The following PTPRN2 variants were observed in gnomAD, a reference collection of about 807,000 sequenced individuals.
The protein encoded by PTPRN2 is receptor-type tyrosine-protein phosphatase N2.
In PTPRN2, 74 loss-of-function variants were observed where a neutral mutation model predicts 118.8. The observed-to-expected ratio is 0.62, with a 90% CI of 0.52 to 0.76. The LOEUF (loss-of-function observed/expected upper bound fraction) is 0.76, where lower values mean the gene tolerates loss of function less well. Among genes scored for constraint, PTPRN2 ranks in the 30% least tolerant of loss-of-function variants. The pLI, the probability that PTPRN2 is intolerant of heterozygous loss-of-function variation, is 0.00. For missense variants in PTPRN2, 1,481 were observed against 1,394.4 expected (o/e 1.06, Z -0.99); for synonymous variants, 641 against 608.0 (o/e 1.05, Z -0.80).
rs779409978 is a variant in PTPRN2 at position 157,674,770 on chromosome 7, G to C, written c.2001+7955C>G. ...CACGCCTGTGGAGTCCCACCCTGTC[G>C]TGTGCACGAGGCTGTCACCTGGAGA... On this transcript the variant is annotated intron_variant, in intron 13 of 22. Coordinates refer to ENST00000389418, the MANE Select transcript of PTPRN2 (RefSeq NM_002847.5). This position sits in a 1 kb window ranked among gnomAD's most constrained non-coding sequence, Gnocchi z 4.5. Among the ~76,000 whole-genome samples, 2 of 152,246 alleles carry C rather than the reference G, an allele frequency of 1.3e-5. No individual in the cohort carries two copies. The highest frequency in any genetic ancestry group is 4.1e-4 in the South Asian group (2 of 4,838).
At chr7:158,421,369 C>G (rs1815232166) in intron 2 of PTPRN2, among the ~76,000 whole-genome samples, 2 of 152,176 alleles carry the variant, frequency 1.3e-5, no homozygotes, top group East Asian at 3.8e-4. Context: ...GTTGGGGTGA[C>G]AAGCACTGGG....
chr7:157,594,592 C>T (rs371443412), intron 17 of PTPRN2, among the ~76,000 whole-genome samples: 13 of 152,372 alleles, frequency 8.5e-5, no homozygotes, highest in East Asian at 5.8e-4. Context: ...GCCCGACACG[C>T]GGCCGGTGCC....
At position 157,764,130 on chromosome 7, in the gene PTPRN2, ACT is replaced by A. The variant is rs573260622; in HGVS notation, c.1789-81195_1789-81194del. ...AATGCTGAGGAATCGTAACTGGCAC[ACT>A]CTGCAGGGAGGAATATAGCATGATG... On this transcript the variant is annotated intron_variant, in intron 12 of 22. Coordinates refer to ENST00000389418, the MANE Select transcript of PTPRN2 (RefSeq NM_002847.5). This position sits in a 1 kb window ranked among gnomAD's most constrained non-coding sequence, Gnocchi z 4.5. 1.8e-3 allele frequency among the ~76,000 whole-genome samples: 269 copies of A among 152,306 alleles called. 2 individuals are homozygous for A. Among genetic ancestry groups the A allele is most frequent in the African/African-American group, 6.2e-3 (258 of 41,564 alleles).
intron 2 of PTPRN2, among the ~76,000 whole-genome samples, chr7:158,371,586 C>T (rs1810000402): frequency 6.6e-6 from 1 of 152,102 alleles, no homozygotes; most frequent in African/African-American, 2.4e-5. Flanking sequence ...CAACAAGCAC[C>T]TCACGCTTGA....
chr7:157,762,600 G>A (rs1466672193), intron 12 of PTPRN2, among the ~76,000 whole-genome samples: 16 of 122,962 alleles, frequency 1.3e-4, no homozygotes, highest in Middle Eastern at 4.5e-3. Context: ...GTTGTGGGGT[G>A]GGGGGAGGGG....
chr7:157,841,617 C>CCCA (rs1225304072), intron 12 of PTPRN2, among the ~76,000 whole-genome samples: 1 of 152,168 alleles, frequency 6.6e-6, no homozygotes, highest in Non-Finnish European at 1.5e-5. Flanking sequence ...TGGAAGGGCC[C>CCCA]CCACCACGGG....
intron 4 of PTPRN2, among the ~76,000 whole-genome samples, chr7:158,204,159 G>A (rs1045793429): frequency 6.6e-6 from 1 of 151,536 alleles, no homozygotes; most frequent in African/African-American, 2.4e-5. Context: ...TGTGTGCGGC[G>A]TTCTGGGGAA....
intron 20 of PTPRN2, among the ~76,000 whole-genome samples, chr7:157,571,179 C>T (rs1466751983): frequency 2.8e-5 from 4 of 142,940 alleles, no homozygotes; most frequent in Admixed American, 2.2e-4. Flanking sequence ...CACGCCATTG[C>T]ACTGCAGCGT....
intron 2 of PTPRN2, among the ~76,000 whole-genome samples, chr7:158,385,254 C>G (rs1811246380): frequency 6.6e-6 from 1 of 151,944 alleles, no homozygotes. Context: ...ATTCTGGGAA[C>G]AATTCCAGAG....
intron 2 of PTPRN2, among the ~76,000 whole-genome samples, chr7:158,393,455 A>C (rs1312950120): frequency 1.3e-5 from 2 of 152,146 alleles, no homozygotes; most frequent in Admixed American, 1.3e-4. Context: ...CACACAAATG[A>C]CACAGAAATG....
At position 157,936,992 on chromosome 7, in the gene PTPRN2, C is replaced by A. The variant is rs528851148; in HGVS notation, c.1724-38255G>T. Among the ~76,000 whole-genome samples the A allele has an allele frequency of 1.2e-3, 190 of 152,250 alleles. 7 individuals are homozygous for A. In the South Asian group the frequency reaches 0.037, roughly 30 times the overall value. ...CAATATTCTGTAAAAAGTATTTTTT[C>A]TCTTGTAGAATGTCTTTCTGCCTGC... On this transcript the variant is annotated intron_variant, in intron 11 of 22. Transcript: ENST00000389418.
intron 11 of PTPRN2, among the ~76,000 whole-genome samples, chr7:158,071,560 AGGTGCTCCTGGTG>A (rs1563391946): frequency 1.0e-3 from 13 of 12,852 alleles, no homozygotes; most frequent in African/African-American, 2.9e-3. Context: ...CTGGTGGTGG[AGGTGCTCCTGGTG>A]GAGGTGCTCC....
chr7:158,460,838 T>A (rs145856811), intron 2 of PTPRN2, among the ~76,000 whole-genome samples: 39 of 152,334 alleles, frequency 2.6e-4, no homozygotes, highest in African/African-American at 8.7e-4. Flanking sequence ...AAAGCCTGCC[T>A]AGAAATATAC....
intron 2 of PTPRN2, among the ~76,000 whole-genome samples, chr7:158,416,304 C>A (rs1382836889): frequency 1.3e-5 from 2 of 152,212 alleles, no homozygotes; most frequent in Non-Finnish European, 2.9e-5. Context: ...CAGGCCCAAC[C>A]CACAGGGATA....
At chr7:158,071,302 TGGAG>T in intron 11 of PTPRN2, among the ~76,000 whole-genome samples, 1 of 111,796 alleles carries the variant, frequency 8.9e-6, no homozygotes, top group African/African-American at 3.6e-5. Flanking sequence ...GTGCTCGTGG[TGGAG>T]GTGCCCATGG....
chr7:157,638,426 G>A (rs1229778247), intron 14 of PTPRN2, among the ~76,000 whole-genome samples: 1 of 152,248 alleles, frequency 6.6e-6, no homozygotes, highest in African/African-American at 2.4e-5. Flanking sequence ...CCTGTGAGCA[G>A]TGAAATTTCT....
chr7:157,543,329 C>T (rs764997540), intron 22 of PTPRN2, among the ~76,000 whole-genome samples: 8 of 152,260 alleles, frequency 5.3e-5, no homozygotes, highest in Non-Finnish European at 1.0e-4. Context: ...AAAGATCCCA[C>T]GGCTTCTTCC....
chr7:158,387,805 G>A (rs569833471), intron 2 of PTPRN2, among the ~76,000 whole-genome samples: 3 of 152,242 alleles, frequency 2.0e-5, no homozygotes, highest in East Asian at 1.9e-4. Context: ...TCTCCAAGCC[G>A]CTGCCCTGTG....
chr7:157,912,534 C>T (rs1200336407), intron 11 of PTPRN2, among the ~76,000 whole-genome samples: 1 of 152,088 alleles, frequency 6.6e-6, no homozygotes, highest in Non-Finnish European at 1.5e-5. Flanking sequence ...GCATTTCTGG[C>T]ATCTTGTTTA....
Sources: allele counts gnomAD v4.1 joint callset (sites outside exome capture counted in the v4.1 genomes callset), GRCh38; gene constraint gnomAD v4.1.1; non-coding constraint Gnocchi (gnomAD v3.1); transcripts MANE v1.5; gene names NCBI Gene and HGNC (gene_info 2026-07-23, HGNC 2026-07-21).